Variants in ERC1 observed in about 807,000 individuals in gnomAD.
ERC1 encodes ELKS/RAB6-interacting/CAST family member 1, also known as RAB6 interacting protein 2.
ERC1 carries 56 observed loss-of-function variants against 132.0 expected under a neutral mutation model. The observed-to-expected ratio is 0.42, with a 90% CI of 0.34 to 0.53. The LOEUF (loss-of-function observed/expected upper bound fraction) is 0.53, where lower values mean the gene tolerates loss of function less well. ERC1 is among the 20% of genes least tolerant of loss of function. The pLI is 0.03. For synonymous variants in ERC1, 478 were observed against 476.1 expected (o/e 1.00, Z -0.05); for missense variants, 1,202 against 1,349.9 (o/e 0.89, Z 1.72).
At chr12:1,155,481 CTT>C (rs1195450655) in intron 8 of ERC1, among the ~76,000 whole-genome samples, 4 of 146,650 alleles carry the variant, frequency 2.7e-5, no homozygotes, top group Non-Finnish European at 4.5e-5. Context: ...TTAAACTTTC[CTT>C]TTTTTTTTTT....
At chr12:1,388,413 A>T (rs1262099071) in intron 16 of ERC1, among the ~76,000 whole-genome samples, 2 of 151,066 alleles carry the variant, frequency 1.3e-5, no homozygotes, top group African/African-American at 4.9e-5. Flanking sequence ...AGGCAGAGGG[A>T]TCATTGTGGC....
At chr12:1,304,779 C>CTTTTTTTTTTTTTTTTTTTT (rs1186965322) in intron 15 of ERC1, among the ~76,000 whole-genome samples, 1 of 70,070 alleles carries the variant, frequency 1.4e-5, no homozygotes, top group Non-Finnish European at 2.8e-5. Context: ...TGTTGTAACT[C>CTTTTTTTTTTTTTTTTTTTT]TTTTTTTTTT....
At chr12:1,292,997 T>C (rs1194535401) in intron 15 of ERC1, among the ~76,000 whole-genome samples, 1 of 151,600 alleles carries the variant, frequency 6.6e-6, no homozygotes, top group African/African-American at 2.4e-5. Context: ...GTACAAAAAT[T>C]AGCTGGGTGT....
chr12:1,313,620 G>A (rs1057257870), intron 15 of ERC1, among the ~76,000 whole-genome samples: 2 of 152,050 alleles, frequency 1.3e-5, no homozygotes, highest in Non-Finnish European at 2.9e-5. Flanking sequence ...AAAAATACAT[G>A]TAAAGACCGA....
Position 1,391,051 on chromosome 12 carries a change from C to A in ERC1, c.2926-17098C>A, listed in dbSNP as rs112788150. ...TATTGGCAAGATGAATGTTTCAGTT[C>A]GCTGCTGTGCCTTTAATCATAATTG... On this transcript the variant is annotated intron_variant, in intron 16 of 18. Coordinates refer to ENST00000360905, the MANE Select transcript of ERC1 (RefSeq NM_178040.4). 3 of 152,310 alleles carry A rather than the reference C, an allele frequency of 2.0e-5. No individual in the cohort carries two copies. The South Asian group carries it at 6.2e-4, about 32-fold the overall frequency. The allele number at this position is 152,310 out of a possible 1,614,324, so 9.4% of individuals were successfully genotyped here.
intron 5 of ERC1, among the ~76,000 whole-genome samples, 160 bp from the exon 6 acceptor site, chr12:1,112,055 T>TAG (rs59322113): frequency 0.98 from 148,955 of 152,260 alleles, 72,934 homozygotes; most frequent in East Asian, 1. Context: ...CCTGTGAACT[T>TAG]AGAAACTACC....
At chr12:1,136,356 T>G (rs2154244268) in intron 7 of ERC1, among the ~76,000 whole-genome samples, 1 of 152,356 alleles carries the variant, frequency 6.6e-6, no homozygotes, top group East Asian at 1.9e-4. Context: ...TCTGCTCATC[T>G]TTACATGCTT....
At chr12:1,327,597 T>C (rs1345946153) in intron 15 of ERC1, among the ~76,000 whole-genome samples, 1 of 152,208 alleles carries the variant, frequency 6.6e-6, no homozygotes, top group African/African-American at 2.4e-5. Flanking sequence ...ATGAGTCCAC[T>C]TTTAGCTCCC....
chr12:1,158,501 G>T (rs1593811881), intron 8 of ERC1, among the ~76,000 whole-genome samples: 1 of 151,888 alleles, frequency 6.6e-6, no homozygotes, highest in East Asian at 1.9e-4. Context: ...CATGATCTCG[G>T]CTCACCGCAA....
At chr12:1,017,805 G>A (rs1289501682) in intron 1 of ERC1, among the ~76,000 whole-genome samples, 2 of 151,832 alleles carry the variant, frequency 1.3e-5, no homozygotes, top group Non-Finnish European at 2.9e-5. Flanking sequence ...AGCCCATCTG[G>A]TATTTTTAAA....
chr12:1,414,044 G>A (rs990217472), intron 17 of ERC1, among the ~76,000 whole-genome samples: 9 of 152,100 alleles, frequency 5.9e-5, no homozygotes, highest in South Asian at 2.1e-4. Flanking sequence ...TGCCCAGTTC[G>A]CAGTAGGGTT....
intron 12 of ERC1, among the ~76,000 whole-genome samples, chr12:1,198,704 G>T (rs1466157170): frequency 6.6e-6 from 1 of 152,170 alleles, no homozygotes; most frequent in Non-Finnish European, 1.5e-5. Flanking sequence ...TGCTTCTGGA[G>T]TAGCCTCAGG....
At chr12:1,315,726 C>T (rs1377150224) in intron 15 of ERC1, among the ~76,000 whole-genome samples, 1 of 151,472 alleles carries the variant, frequency 6.6e-6, no homozygotes, top group African/African-American at 2.4e-5. Context: ...AGAGAGAAAG[C>T]CAGAGAGAGA....
intron 16 of ERC1, among the ~76,000 whole-genome samples, chr12:1,382,570 C>T (rs938420964): frequency 3.3e-5 from 5 of 152,200 alleles, no homozygotes; most frequent in African/African-American, 1.2e-4. Flanking sequence ...AGGCCACAGG[C>T]TGCCTGACTT....
rs1312425296 is a variant in ERC1 at position 1,492,592 on chromosome 12, C to G, written c.*2362C>G. 1.3e-5 allele frequency: 3 copies of G among 233,054 alleles called. No individual in the cohort carries two copies. In the East Asian group the frequency reaches 1.8e-4, roughly 14 times the overall value. The allele number at this position is 233,054 out of a possible 1,614,324, so 14.4% of individuals were successfully genotyped here. A position where few individuals can be genotyped will look rare whatever the true frequency, so the allele number is the denominator to read the frequency against. ...TCATCTCAGCATTCTCCATCACTTC[C>G]CCTCCAGAAAAACGGATGGAAGGAA... On this transcript the variant is annotated 3_prime_UTR_variant, in exon 19 of 19. Transcript: ENST00000360905.
chr12:1,233,769 A>G (rs1181935558), intron 12 of ERC1, among the ~76,000 whole-genome samples: 1 of 152,172 alleles, frequency 6.6e-6, no homozygotes, highest in Non-Finnish European at 1.5e-5. Context: ...CAAAAAGGGT[A>G]CATTGGAGGA....
At chr12:1,436,605 C>T (rs547038309) in intron 17 of ERC1, among the ~76,000 whole-genome samples, 4 of 152,260 alleles carry the variant, frequency 2.6e-5, no homozygotes, top group East Asian at 3.9e-4. Flanking sequence ...CAGATCCATC[C>T]GTCTAGCAGA....
At position 1,390,004 on chromosome 12, in the gene ERC1, A is replaced by G. The variant is rs916457075; in HGVS notation, c.2925+18027A>G. Among the ~76,000 whole-genome samples, 11 of 152,220 alleles carry G rather than the reference A, an allele frequency of 7.2e-5. No homozygotes were observed. The East Asian group carries it at 1.9e-3, about 27-fold the overall frequency. On this transcript the variant is annotated intron_variant, in intron 16 of 18. Coordinates refer to ENST00000360905, the MANE Select transcript of ERC1 (RefSeq NM_178040.4). The stretch of plus-strand genomic sequence containing the variant: ...TAATCAAACTTGTCGTTAAGGCTTC[A>G]TTAATTTCCTCTCCACTCATGGGGT...
intron 15 of ERC1, among the ~76,000 whole-genome samples, chr12:1,320,843 A>G (rs2082067543): frequency 1.3e-5 from 2 of 152,092 alleles, no homozygotes; most frequent in Non-Finnish European, 2.9e-5. Flanking sequence ...CTGGGACTAC[A>G]GGCGCCCGCC....
Sources: allele counts gnomAD v4.1 joint callset (sites outside exome capture counted in the v4.1 genomes callset), GRCh38; gene constraint gnomAD v4.1.1; transcripts MANE v1.5; gene names NCBI Gene and HGNC (gene_info 2026-07-23, HGNC 2026-07-21).